The following KAZN variants were observed in gnomAD, a reference collection of about 807,000 sequenced individuals.
KAZN encodes kazrin.
KAZN carries 40 observed loss-of-function variants against 87.4 expected under a neutral mutation model. The observed-to-expected ratio is 0.46, with a 90% CI of 0.36 to 0.60. The LOEUF (loss-of-function observed/expected upper bound fraction) is 0.60. Among genes scored for constraint, KAZN ranks in the 20% least tolerant of loss-of-function variants. The probability of loss-of-function intolerance (pLI) is 0.00; values close to 1 mark genes in which losing one functional copy is unlikely to be tolerated. For synonymous variants in KAZN, 466 were observed against 458.3 expected (o/e 1.02, Z -0.22); for missense variants, 898 against 1,073.9 (o/e 0.84, Z 2.29).
At chr1:13,957,100 G>A (rs986275436) in intron 1 of KAZN, among the ~76,000 whole-genome samples, 1 of 152,154 alleles carries the variant, frequency 6.6e-6, no homozygotes, top group Non-Finnish European at 1.5e-5. Context: ...CCTGCCTTGT[G>A]TTGGAGCCTT....
intron 2 of KAZN, among the ~76,000 whole-genome samples, chr1:14,515,759 C>T (rs1001753707): frequency 6.6e-6 from 1 of 152,110 alleles, no homozygotes; most frequent in Non-Finnish European, 1.5e-5. Context: ...AAGGGCTCTC[C>T]CTTCCACCAC....
intron 2 of KAZN, among the ~76,000 whole-genome samples, chr1:14,415,098 C>T (rs1664641344): frequency 6.6e-6 from 1 of 152,160 alleles, no homozygotes; most frequent in Admixed American, 6.5e-5. Context: ...ATCTACAAAA[C>T]TTTAATCCTA....
intron 1 of KAZN, among the ~76,000 whole-genome samples, chr1:14,067,222 T>C (rs764233417): frequency 3.3e-5 from 5 of 152,180 alleles, no homozygotes; most frequent in Non-Finnish European, 7.4e-5. Flanking sequence ...GCACAGTGCC[T>C]GTCCCGTGAT....
At chr1:14,098,179 A>G (rs1644171229) in intron 1 of KAZN, among the ~76,000 whole-genome samples, 1 of 152,124 alleles carries the variant, frequency 6.6e-6, no homozygotes, top group East Asian at 1.9e-4. Context: ...CTCTTTCATC[A>G]GCTTCCTCAC....
At chr1:14,270,323 G>A (rs538307965) in intron 2 of KAZN, among the ~76,000 whole-genome samples, 1 of 152,322 alleles carries the variant, frequency 6.6e-6, no homozygotes, top group Admixed American at 6.5e-5. Flanking sequence ...GGAAAAGTAG[G>A]ATGTGTTATT....
chr1:14,808,431 G>A (rs1646295087), intron 1 of KAZN, among the ~76,000 whole-genome samples: 1 of 150,870 alleles, frequency 6.6e-6, no homozygotes, highest in African/African-American at 2.4e-5. Context: ...TGAATAGATG[G>A]TATTACAGGC....
At chr1:14,250,970 G>A (rs571086612) in intron 2 of KAZN, among the ~76,000 whole-genome samples, 5 of 152,074 alleles carry the variant, frequency 3.3e-5, no homozygotes, top group Non-Finnish European at 7.4e-5. Context: ...TCATGAACCT[G>A]TACTAGAGGA....
At chr1:13,905,831 C>CTGGG (rs1639416423) in intron 1 of KAZN, among the ~76,000 whole-genome samples, 1 of 152,100 alleles carries the variant, frequency 6.6e-6, no homozygotes, top group Non-Finnish European at 1.5e-5. Flanking sequence ...TAACAAATTA[C>CTGGG]CACAACCTCG....
In KAZN at chr1:14,488,183, G is replaced by A. The variant is rs114447888; in HGVS notation, c.250-110800G>A. On this transcript the variant is annotated intron_variant, in intron 2 of 16. Coordinates refer to the KAZN transcript ENST00000636203. ...AGAGGCCCAGACTTAAGACTCTTCAGTATCATGTAGAGGCTAATCATTTGG... is the reference window on the plus strand; with the variant it reads ...AGAGGCCCAGACTTAAGACTCTTCAATATCATGTAGAGGCTAATCATTTGG... Among the ~76,000 whole-genome samples, 921 of 152,306 alleles carry A rather than the reference G, an allele frequency of 6.0e-3. 11 individuals are homozygous for A. Among genetic ancestry groups the A allele is most frequent in the African/African-American group, 0.021 (864 of 41,560 alleles).
chr1:14,571,724 T>G (rs188253934), intron 2 of KAZN, among the ~76,000 whole-genome samples: 19 of 152,130 alleles, frequency 1.2e-4, no homozygotes, highest in Admixed American at 1.1e-3. Context: ...CGGGCCAGGG[T>G]GAATGGTGGT....
chr1:14,857,021 G>C (rs984718384), intron 1 of KAZN, among the ~76,000 whole-genome samples: 2 of 152,150 alleles, frequency 1.3e-5, no homozygotes, highest in Non-Finnish European at 2.9e-5. Flanking sequence ...GAGAGGTTTG[G>C]GATTGGATGT....
chr1:14,680,235 T>G (rs1427709014), intron 1 of KAZN, among the ~76,000 whole-genome samples: 1 of 152,178 alleles, frequency 6.6e-6, no homozygotes, highest in Non-Finnish European at 1.5e-5. Context: ...ACACTGATGG[T>G]AATTCACACC....
chr1:14,412,901 TAAATC>T (rs1308241064), intron 2 of KAZN, among the ~76,000 whole-genome samples: 11 of 150,446 alleles, frequency 7.3e-5, no homozygotes, highest in Non-Finnish European at 1.6e-4. Context: ...GACTCAGAAA[TAAATC>T]AACTGACTGA....
chr1:14,233,294 G>C (rs967135156), intron 2 of KAZN, among the ~76,000 whole-genome samples: 1 of 152,100 alleles, frequency 6.6e-6, no homozygotes, highest in Non-Finnish European at 1.5e-5. Context: ...ACCACACCCA[G>C]CTAATTTTTT....
At chr1:14,809,774 G>A (rs768333029) in intron 1 of KAZN, among the ~76,000 whole-genome samples, 3 of 152,152 alleles carry the variant, frequency 2.0e-5, no homozygotes, top group African/African-American at 4.8e-5. Context: ...CTGTAGACCC[G>A]GGAGATGGCA....
intron 2 of KAZN, among the ~76,000 whole-genome samples, chr1:14,309,881 TAAAA>T (rs202171440): frequency 6.8e-6 from 1 of 148,004 alleles, no homozygotes; most frequent in Non-Finnish European, 1.5e-5. Context: ...TGATTTATAT[TAAAA>T]AAAAAAAATT....
intron 2 of KAZN, among the ~76,000 whole-genome samples, chr1:14,443,271 A>G (rs1239052995): frequency 1.3e-5 from 2 of 152,226 alleles, no homozygotes; most frequent in Non-Finnish European, 2.9e-5. Flanking sequence ...CAGCTCCCCA[A>G]GGGATTTCTG....
intron 2 of KAZN, among the ~76,000 whole-genome samples, chr1:14,986,365 T>C (rs905805061): frequency 2.0e-5 from 3 of 152,366 alleles, no homozygotes; most frequent in African/African-American, 7.2e-5. Flanking sequence ...CTCACCGTTA[T>C]GTGCCTTGCA....
At chr1:14,092,212 T>A (rs966839619) in intron 1 of KAZN, among the ~76,000 whole-genome samples, 1 of 148,604 alleles carries the variant, frequency 6.7e-6, no homozygotes, top group African/African-American at 2.5e-5. Flanking sequence ...TGCCTCAGCC[T>A]CCCCAGCAGC....
Sources: gnomAD v4.1 joint callset for allele counts (sites outside exome capture counted in the v4.1 genomes callset) on GRCh38, gnomAD v4.1.1 for gene constraint, MANE v1.5 for transcripts, NCBI Gene and HGNC (gene_info 2026-07-23, HGNC 2026-07-21) for gene names.